The following PLEKHA6 variants were observed in gnomAD, a reference collection of about 807,000 sequenced individuals.
The protein encoded by PLEKHA6 is pleckstrin homology domain containing A6, also known as pleckstrin homology domain-containing family A member 6.
Under a neutral mutation model 116.7 loss-of-function variants are expected in PLEKHA6, and 60 were observed. The ratio of observed to expected loss-of-function variants is 0.51; its 90% confidence interval spans 0.42 to 0.64. The LOEUF (loss-of-function observed/expected upper bound fraction) is 0.64. Ranked by LOEUF, PLEKHA6 falls within the 30% of genes least tolerant of loss-of-function variation. The pLI is 0.00. For synonymous variants in PLEKHA6, 489 were observed against 556.1 expected, an observed-to-expected ratio of 0.88 and a Z score of 1.70; for missense variants, 1,338 against 1,422.7, an observed-to-expected ratio of 0.94 and a Z score of 0.96.
Position 204,261,712 on chromosome 1 carries a change from A to C in PLEKHA6, c.382-264T>G, listed in dbSNP as rs1267814645. ...GGCAGCCCAATAACCAGGTCAGCCT[A>C]CTTGCCCCACCTGGGGTAATTAAAG... On this transcript the variant is annotated intron_variant, in intron 6 of 22. Coordinates refer to ENST00000272203, the MANE Select transcript of PLEKHA6 (RefSeq NM_014935.5). The surrounding 1 kb of genome is among the most constrained non-coding windows in gnomAD (Gnocchi z 4.0). Among the ~76,000 whole-genome samples the C allele has an allele frequency of 2.0e-5, 3 of 152,200 alleles. No individual in the cohort carries two copies. The highest frequency in any genetic ancestry group is 4.4e-5 in the Non-Finnish European group (3 of 68,034).
At chr1:204,327,454 C>A (rs1186790185) in intron 1 of PLEKHA6, among the ~76,000 whole-genome samples, 3 of 152,254 alleles carry the variant, frequency 2.0e-5, no homozygotes. Flanking sequence ...AGCCTTGATG[C>A]CGACGGGCCC....
rs774840402 is a variant in PLEKHA6 at position 204,250,632 on chromosome 1, C to T, written c.1525-18G>A. The T allele has an allele frequency of 2.6e-5, 41 of 1,586,462 alleles. No homozygotes were observed. The highest frequency in any genetic ancestry group is 6.7e-5 in the East Asian group (3 of 44,762). ...GGAGGGACCTGCAGGAACATGAGGC[C>T]GGTTACTGCAGCAGGGGCAGGATGA... On this transcript the variant is annotated intron_variant, in intron 9 of 22. Transcript: ENST00000272203.
intron 1 of PLEKHA6, among the ~76,000 whole-genome samples, chr1:204,283,781 T>C (rs1285613929): frequency 6.6e-6 from 1 of 152,232 alleles, no homozygotes; most frequent in African/African-American, 2.4e-5. Context: ...GTCTGGGGAC[T>C]GTGTGTGATG....
At chr1:204,240,475 T>G (rs1662648824) in intron 17 of PLEKHA6, among the ~76,000 whole-genome samples, 1 of 152,274 alleles carries the variant, frequency 6.6e-6, no homozygotes, top group Non-Finnish European at 1.5e-5. Flanking sequence ...AATATGTTTG[T>G]GCATGTATAC....
intron 2 of PLEKHA6, chr1:204,368,478 T>C (rs1213872428): frequency 6.6e-6 from 1 of 151,720 alleles, no homozygotes; most frequent in East Asian, 1.9e-4. Context: ...AAATTATCCA[T>C]GGAAATGCTC....
chr1:204,244,816 T>C, intron 15 of PLEKHA6, 48 bp downstream of exon 15: 1 of 1,435,476 alleles, frequency 7.0e-7, no homozygotes, highest in Non-Finnish European at 9.4e-7. Flanking sequence ...CAAACGAGGA[T>C]CTGGTCCTCC....
At chr1:204,374,539 T>G (rs902254430) in intron 1 of PLEKHA6, among the ~76,000 whole-genome samples, 1 of 152,212 alleles carries the variant, frequency 6.6e-6, no homozygotes, top group Non-Finnish European at 1.5e-5. Flanking sequence ...TGTCTTCCTC[T>G]GGAGAAGAGG....
chr1:204,229,024 A>C lies in PLEKHA6; in HGVS notation c.2664T>G (p.His888Gln). The C allele has an allele frequency of 1.2e-6, 2 of 1,614,128 alleles. No individual in the cohort carries two copies. The highest frequency in any genetic ancestry group is 1.7e-6 in the Non-Finnish European group (2 of 1,180,016). Residue 888 changes from histidine (H) to glutamine (Q), a missense_variant, in exon 19 of 23, where the codon CAT (histidine) becomes CAG (glutamine). Coordinates refer to ENST00000272203, the MANE Select transcript of PLEKHA6 (RefSeq NM_014935.5). ...TTTCCTCCCGGGGTGTCTCGTAGGC[A>C]TGCCCGCCAGGCTCCTCTGCCCGCA... is the stretch of plus-strand genomic sequence containing the variant. ...AALRAEEPGGHAYETPREEIA... is the reference protein window; with the variant it reads ...AALRAEEPGGQAYETPREEIA...
At chr1:204,301,966 G>A (rs1670868396) in intron 1 of PLEKHA6, among the ~76,000 whole-genome samples, 1 of 152,202 alleles carries the variant, frequency 6.6e-6, no homozygotes, top group Non-Finnish European at 1.5e-5. Flanking sequence ...ATCTTGAGAA[G>A]ACCTAGTCCA....
At chr1:204,312,435 T>C (rs983820706) in intron 1 of PLEKHA6, among the ~76,000 whole-genome samples, 1 of 152,216 alleles carries the variant, frequency 6.6e-6, no homozygotes, top group Non-Finnish European at 1.5e-5. Context: ...GAGTGACACC[T>C]TTCTGGCTCA....
chr1:204,225,148 A>C (rs556107400), intron 21 of PLEKHA6, among the ~76,000 whole-genome samples: 1 of 152,368 alleles, frequency 6.6e-6, no homozygotes, highest in South Asian at 2.1e-4. Context: ...ATTTTGTAAA[A>C]AGCAGACATA....
intron 17 of PLEKHA6, among the ~76,000 whole-genome samples, chr1:204,233,806 C>A (rs1465846851): frequency 6.6e-6 from 1 of 151,976 alleles, no homozygotes; most frequent in East Asian, 1.9e-4. Flanking sequence ...TGGATCATAC[C>A]TAGAGTTTCA....
At position 204,264,949 on chromosome 1, in the gene PLEKHA6, G is replaced by A. The variant is rs775381290; in HGVS notation, c.374C>T (p.Thr125Met). 1.2e-5 allele frequency: 19 copies of A among 1,612,252 alleles called. No homozygotes were observed. The highest frequency in any genetic ancestry group is 2.2e-5 in the East Asian group (1 of 44,876). The change falls in exon 6 of 23, where the codon ACG (threonine) becomes ATG (methionine). Residue 125 changes from threonine to methionine, a missense_variant. This residue lies in a region of PLEKHA6 where 140 missense variants were observed against 197.4 expected (regional missense o/e 0.71). Coordinates refer to ENST00000272203, the MANE Select transcript of PLEKHA6 (RefSeq NM_014935.5). ...AAGGGAAGGCCAACTGACCTTAAAC[G>A]TGTGTTTCCGGCTGATGTTGTCTGA... is the stretch of plus-strand genomic sequence containing the variant. Reference protein sequence around the residue: ...QPSDNISRKHTFKAEHAGVRT... With the variant: ...QPSDNISRKHMFKAEHAGVRT...
rs1027477436 is a variant in PLEKHA6 at position 204,317,242 on chromosome 1, G to C, written c.-94-42433C>G. On this transcript the variant is annotated intron_variant, in intron 1 of 22. Transcript: ENST00000272203. ...AATCCAGGCCTAAAGAGGCCCTCAG[G>C]GACAGCTAGCAGCCCTGGGTCCTAG... 3 of 975,930 alleles carry C rather than the reference G, an allele frequency of 3.1e-6. No homozygotes were observed. In the African/African-American group the frequency reaches 5.3e-5, roughly 17 times the overall value. The allele number at this position is 975,930 out of a possible 1,614,324, so 60.5% of individuals were successfully genotyped here. A position where few individuals can be genotyped will look rare whatever the true frequency, so the allele number is the denominator to read the frequency against.
chr1:204,234,931 G>T (rs1661733242), intron 17 of PLEKHA6, among the ~76,000 whole-genome samples: 1 of 133,774 alleles, frequency 7.5e-6, no homozygotes, highest in African/African-American at 2.7e-5. Flanking sequence ...GATCATGTAA[G>T]TTAATACTTA....
At chr1:204,252,617 GT>G (rs999551526) in intron 9 of PLEKHA6, among the ~76,000 whole-genome samples, 5 of 152,186 alleles carry the variant, frequency 3.3e-5, no homozygotes, top group African/African-American at 1.2e-4. Context: ...TGGGGTTTCT[GT>G]TCAGAGGGTC....
chr1:204,351,203 CG>C (rs71568026), intron 1 of PLEKHA6, among the ~76,000 whole-genome samples: 6 of 143,496 alleles, frequency 4.2e-5, no homozygotes, highest in Non-Finnish European at 9.2e-5. Context: ...TGGGGTGTGG[CG>C]GGGGGGAGGT....
intron 1 of PLEKHA6, among the ~76,000 whole-genome samples, chr1:204,336,784 C>G (rs928938725): frequency 6.6e-6 from 1 of 152,216 alleles, no homozygotes; most frequent in Non-Finnish European, 1.5e-5. Flanking sequence ...AAACTCCAGG[C>G]ATCCAGGTCA....
intron 3 of PLEKHA6, among the ~76,000 whole-genome samples, chr1:204,272,670 C>G (rs1024840427): frequency 1.3e-5 from 2 of 152,152 alleles, no homozygotes; most frequent in African/African-American, 4.8e-5. Context: ...ACCACTGACC[C>G]AAAATTAGTC....
Sources: allele counts gnomAD v4.1 joint callset (sites outside exome capture counted in the v4.1 genomes callset), GRCh38; gene constraint gnomAD v4.1.1; regional missense constraint gnomAD v4.1.1; non-coding constraint Gnocchi (gnomAD v3.1); transcripts MANE v1.5; gene names NCBI Gene and HGNC (gene_info 2026-07-23, HGNC 2026-07-21).